The following EVC variants were observed in gnomAD, a reference collection of about 807,000 sequenced individuals.
The protein encoded by EVC is EvC ciliary complex subunit 1.
In EVC, 116 loss-of-function variants were observed where a neutral mutation model predicts 118.9. The ratio of observed to expected loss-of-function variants is 0.98; its 90% confidence interval spans 0.84 to 1.14. The LOEUF is 1.14. EVC is among the 50% of genes most tolerant of loss of function. EVC has a pLI of 0.00. For synonymous variants in EVC, 619 were observed against 534.7 expected, an observed-to-expected ratio of 1.16 and a Z score of -2.18; for missense variants, 1,401 against 1,246.4, an observed-to-expected ratio of 1.12 and a Z score of -1.87.
Position 5,797,015 on chromosome 4 carries a change from C to A in EVC, c.1887-7C>A. On this transcript the variant is annotated splice_region_variant and splice_polypyrimidine_tract_variant and intron_variant, in intron 13 of 20. Transcript: ENST00000264956. ...TTGACCCCACCCCTCACCTGCTTTC[C>A]TCAAAGGTCCACGCGGTGTGTCCTG... 6.2e-7 allele frequency: 1 copy of A among 1,610,668 alleles called. No individual in the cohort carries two copies.
Position 5,752,669 on chromosome 4 carries a change from G to C in EVC, c.1099-167G>C, listed in dbSNP as rs6810769. 597,315 of 747,276 alleles carry C rather than the reference G, an allele frequency of 0.8. 239,830 individuals are homozygous for C. Among genetic ancestry groups the C allele is most frequent in the African/African-American group, 0.95 (55,421 of 58,200 alleles). 46.3% of individuals were successfully genotyped at this position (747,276 alleles called of 1,614,324 possible). ...CTTAATCCCCACCTCGGGGGCAGAC[G>C]CAGATCTCGCTCATGAAGGAGAGGG... On this transcript the variant is annotated intron_variant, in intron 8 of 20. Transcript: ENST00000264956.
At chr4:5,805,707 C>G (rs1056768940) in intron 17 of EVC, among the ~76,000 whole-genome samples, 89 of 152,252 alleles carry the variant, frequency 5.8e-4, no homozygotes, top group African/African-American at 2.1e-3. Context: ...CACTTTGACC[C>G]AGGTGATCCA....
intron 12 of EVC, among the ~76,000 whole-genome samples, chr4:5,788,466 C>G (rs941537433): frequency 6.6e-6 from 1 of 152,178 alleles, no homozygotes; most frequent in Admixed American, 6.5e-5. Flanking sequence ...GAACTCAGAT[C>G]TACATGAAGT....
Position 5,737,558 on chromosome 4 carries a change from A to C in EVC, c.702+4123A>C, listed in dbSNP as rs1183002901. 6.6e-6 allele frequency among the ~76,000 whole-genome samples: 1 copy of C among 152,228 alleles called. No homozygotes were observed. The highest frequency in any genetic ancestry group is 1.5e-5 in the Non-Finnish European group (1 of 68,044). ...TCGCTAGGGGCTAATGCGGGAGATG[A>C]CTTTAAGTTGAAGCCAGTGCTCATG... On this transcript the variant is annotated intron_variant, in intron 5 of 20. Transcript: ENST00000264956. The surrounding 1 kb of genome is among the most constrained non-coding windows in gnomAD (Gnocchi z 5.0).
chr4:5,712,624 A>G (rs540883166), intron 1 of EVC, among the ~76,000 whole-genome samples: 1 of 152,278 alleles, frequency 6.6e-6, no homozygotes, highest in Admixed American at 6.5e-5. Flanking sequence ...GATGAGACAG[A>G]TCTTGTGCGG....
In EVC at chr4:5,755,670, A is replaced by G. The variant is rs1340334451; in HGVS notation, c.1465-594A>G. On this transcript the variant is annotated intron_variant, in intron 10 of 20. Transcript: ENST00000264956. This position sits in a 1 kb window ranked among gnomAD's most constrained non-coding sequence, Gnocchi z 4.1. ...GACTCCATTGAAACATCTCCCCAAC[A>G]GGGAATTTTCTCCTGCAACCCTTCC... 6.6e-6 allele frequency among the ~76,000 whole-genome samples: 1 copy of G among 152,032 alleles called. No individual in the cohort carries two copies. Among genetic ancestry groups the G allele is most frequent in the Admixed American group, 6.5e-5 (1 of 15,268 alleles).
At chr4:5,711,645 C>G (rs1007676049) in intron 1 of EVC, 91 bp downstream of exon 1, 2 of 999,796 alleles carry the variant, frequency 2.0e-6, no homozygotes, top group Non-Finnish European at 2.4e-6. Context: ...CTCTGCGACT[C>G]CTTGAGCCTG....
At chr4:5,783,135 A>C (rs1735882664) in intron 11 of EVC, among the ~76,000 whole-genome samples, 1 of 151,664 alleles carries the variant, frequency 6.6e-6, no homozygotes, top group South Asian at 2.1e-4. Flanking sequence ...AGTATGTATG[A>C]GTCTATGTGT....
intron 1 of EVC, among the ~76,000 whole-genome samples, chr4:5,718,815 A>G (rs1007676881): frequency 6.6e-6 from 1 of 152,222 alleles, no homozygotes; most frequent in African/African-American, 2.4e-5. Context: ...CACCTAACAT[A>G]TTGTCTTAAA....
chr4:5,800,590 G>A (rs541091651), intron 15 of EVC, among the ~76,000 whole-genome samples: 1 of 152,296 alleles, frequency 6.6e-6, no homozygotes, highest in African/African-American at 2.4e-5. Context: ...TACTGTGGCA[G>A]GAAGGCAGGT....
chr4:5,826,080 CCACA>C, the EVC span: 15 of 251,650 alleles, frequency 6.0e-5, no homozygotes, highest in Admixed American at 5.6e-4. Flanking sequence ...GCATACATGC[CCACA>C]CACACACTCA....
At chr4:5,818,743 A>G (rs1302292449), downstream of EVC, among the ~76,000 whole-genome samples, 1 of 152,184 alleles carries the variant, frequency 6.6e-6, no homozygotes, top group Non-Finnish European at 1.5e-5. Flanking sequence ...CTCTCACCAA[A>G]TGCACCAGCA....
At position 5,742,961 on chromosome 4, in the gene EVC, G is replaced by A. The variant is rs1339433313; in HGVS notation, c.801+1147G>A. Among the ~76,000 whole-genome samples, 1 of 152,188 alleles carries A rather than the reference G, an allele frequency of 6.6e-6. No homozygotes were observed. On this transcript the variant is annotated intron_variant, in intron 6 of 20. Transcript: ENST00000264956. This position sits in a 1 kb window ranked among gnomAD's most constrained non-coding sequence, Gnocchi z 5.2. ...CAGAGTTGGTAACATATGGATGCTT[G>A]GCAACTGTATTTATACTCATGTAAA...
intron 7 of EVC, among the ~76,000 whole-genome samples, chr4:5,747,031 T>C (rs981714862): frequency 1.3e-5 from 2 of 151,538 alleles, no homozygotes; most frequent in African/African-American, 4.9e-5. Context: ...AAGAGCAGGG[T>C]GAGAGCCTGA....
At chr4:5,751,407 G>T (rs1342640751) in intron 8 of EVC, among the ~76,000 whole-genome samples, 1 of 152,224 alleles carries the variant, frequency 6.6e-6, no homozygotes, top group Non-Finnish European at 1.5e-5. Flanking sequence ...CCTGTGTTGG[G>T]TTCTCAACAT....
Position 5,782,576 on chromosome 4 carries a change from C to T in EVC, c.1564-976C>T, listed in dbSNP as rs558591162. Among the ~76,000 whole-genome samples, 7 of 117,422 alleles carry T rather than the reference C, an allele frequency of 6.0e-5. 1 individual carries two copies. In the Admixed American group the frequency reaches 6.3e-4, roughly 11 times the overall value. The allele number at this position is 117,422 out of a possible 152,430, so 77.0% of individuals were successfully genotyped here. A position where few individuals can be genotyped will look rare whatever the true frequency, so the allele number is the denominator to read the frequency against. On this transcript the variant is annotated intron_variant, in intron 11 of 20. Coordinates refer to ENST00000264956, the MANE Select transcript of EVC (RefSeq NM_153717.3). ...AAAAAAAAAAAAAAAAAGATGTGAG[C>T]GGTGGATTCACAGGTGTTTAATATT...
chr4:5,739,258 T>C (rs1728158078), intron 5 of EVC, among the ~76,000 whole-genome samples: 1 of 152,158 alleles, frequency 6.6e-6, no homozygotes, highest in African/African-American at 2.4e-5. Flanking sequence ...CTTGCAAAAA[T>C]AATGTTATTA....
At chr4:5,823,490 G>T in the EVC span, among the ~76,000 whole-genome samples, 512 of 152,332 alleles carry the variant, frequency 3.4e-3, 2 homozygotes, top group African/African-American at 0.012. Flanking sequence ...CCAAAACTTC[G>T]TGTTGAAATT....
intron 12 of EVC, among the ~76,000 whole-genome samples, chr4:5,787,352 G>C (rs1324717867): frequency 6.6e-6 from 1 of 152,234 alleles, no homozygotes; most frequent in East Asian, 1.9e-4. Flanking sequence ...AGGATCGTGA[G>C]ATGGGGATAT....
Sources: allele counts gnomAD v4.1 joint callset (sites outside exome capture counted in the v4.1 genomes callset), GRCh38; gene constraint gnomAD v4.1.1; non-coding constraint Gnocchi (gnomAD v3.1); transcripts MANE v1.5; gene names NCBI Gene and HGNC (gene_info 2026-07-23, HGNC 2026-07-21).